The following C10orf143 variants were observed in gnomAD, a reference collection of about 807,000 sequenced individuals.
C10orf143 encodes the protein uncharacterized protein C10orf143.
chr10:130,053,250 G>A (rs971903957), intron 3 of C10orf143, among the ~76,000 whole-genome samples: 38 of 152,084 alleles, frequency 2.5e-4, no homozygotes, highest in African/African-American at 7.7e-4. Context: ...TAGTAGAAAC[G>A]GGGTTTCACT....
At chr10:130,109,974 A>T (rs1420236816) in intron 1 of C10orf143, among the ~76,000 whole-genome samples, 1 of 152,204 alleles carries the variant, frequency 6.6e-6, no homozygotes, top group Non-Finnish European at 1.5e-5. Flanking sequence ...GATAAAATAC[A>T]GGAATGCCAA....
intron 1 of C10orf143, among the ~76,000 whole-genome samples, chr10:130,087,614 T>A (rs1040714904): frequency 6.6e-6 from 1 of 152,184 alleles, no homozygotes; most frequent in South Asian, 2.1e-4. Flanking sequence ...GACTTCTTCC[T>A]TTTCCGGAGG....
chr10:130,058,693 A>G (rs1448130350), intron 3 of C10orf143, among the ~76,000 whole-genome samples: 1 of 152,084 alleles, frequency 6.6e-6, no homozygotes, highest in Non-Finnish European at 1.5e-5. Context: ...ATACTAACGA[A>G]ACAGGAAAGT....
rs1281127241 is a variant in C10orf143 at position 130,075,851 on chromosome 10, G to T, written c.297+3715C>A. On this transcript the variant is annotated intron_variant, in intron 3 of 3. Transcript: ENST00000637128. ...TTCCCCTTCACCTTCCACCAGGATT[G>T]TAAGTTTCCTGAGGCCTCCCAGCCA... Among the ~76,000 whole-genome samples, 4 of 152,120 alleles carry T rather than the reference G, an allele frequency of 2.6e-5. No homozygotes were observed. The East Asian group carries it at 7.7e-4, about 29-fold the overall frequency.
intron 3 of C10orf143, among the ~76,000 whole-genome samples, chr10:130,045,280 G>A (rs964464129): frequency 2.0e-5 from 3 of 152,374 alleles, no homozygotes; most frequent in Non-Finnish European, 4.4e-5. Flanking sequence ...TCTGCCTGCA[G>A]GTCGGCGGGG....
chr10:130,054,335 G>C (rs1860772703), intron 3 of C10orf143, among the ~76,000 whole-genome samples: 1 of 152,140 alleles, frequency 6.6e-6, no homozygotes, highest in Non-Finnish European at 1.5e-5. Context: ...TGTCCATGTT[G>C]TCACATAGGA....
intron 1 of C10orf143, among the ~76,000 whole-genome samples, chr10:130,098,120 C>T (rs1356086553): frequency 2.0e-5 from 3 of 151,868 alleles, no homozygotes; most frequent in Non-Finnish European, 4.4e-5. Flanking sequence ...GCCAGGAGTT[C>T]GAGACAAGCC....
At chr10:130,106,480 T>C (rs1318183538) in intron 1 of C10orf143, 3 of 1,602,314 alleles carry the variant, frequency 1.9e-6, no homozygotes, top group Non-Finnish European at 2.6e-6. Context: ...AGCATGAAAT[T>C]CTCTGTCTAG....
At chr10:130,100,956 A>G (rs1372106044) in intron 1 of C10orf143, 1 of 152,150 alleles carries the variant, frequency 6.6e-6, no homozygotes, top group Non-Finnish European at 1.5e-5. Flanking sequence ...GGTGGCTTAC[A>G]TCTATAATCC....
intron 1 of C10orf143, among the ~76,000 whole-genome samples, chr10:130,081,253 C>A (rs1224443053): frequency 6.6e-6 from 1 of 151,678 alleles, no homozygotes; most frequent in African/African-American, 2.4e-5. Context: ...ATGCTAAAAG[C>A]CACAGTTCAC....
At chr10:130,079,267 G>A (rs1369642764) in intron 3 of C10orf143, among the ~76,000 whole-genome samples, 1 of 152,142 alleles carries the variant, frequency 6.6e-6, no homozygotes, top group East Asian at 1.9e-4. Context: ...TCTCCAAGAT[G>A]TCCTTAAATG....
intron 3 of C10orf143, among the ~76,000 whole-genome samples, chr10:130,058,576 CA>C (rs1427073313): frequency 9.6e-6 from 1 of 103,824 alleles, no homozygotes; most frequent in East Asian, 2.8e-4. Context: ...AGGTTTTAAA[CA>C]GCATTTTTTT....
At chr10:130,049,529 G>A (rs981708418) in intron 3 of C10orf143, among the ~76,000 whole-genome samples, 3 of 152,212 alleles carry the variant, frequency 2.0e-5, no homozygotes. Context: ...CCAGCCCCGG[G>A]AAGATGCTTG....
At chr10:130,107,573 T>A in intron 1 of C10orf143, 1 of 1,346,636 alleles carries the variant, frequency 7.4e-7, no homozygotes, top group South Asian at 1.2e-5. Context: ...AAATACAGCA[T>A]TTGGCAGAGA....
rs1390150657 is a variant in C10orf143 at position 130,056,509 on chromosome 10, A to T, written c.298-20539T>A. Among the ~76,000 whole-genome samples the T allele has an allele frequency of 6.6e-6, 1 of 152,092 alleles. No homozygotes were observed. The highest frequency in any genetic ancestry group is 2.4e-5 in the African/African-American group (1 of 41,394). On this transcript the variant is annotated intron_variant and NMD_transcript_variant, in intron 3 of 5. Transcript: ENST00000643056. This position sits in a 1 kb window ranked among gnomAD's most constrained non-coding sequence, Gnocchi z 4.6. ...CAGTGAGAAATGAGGAAAAGAAACAATGTCATTTTACAGAGAAAGGGAAGG... is the reference window on the plus strand; with the variant it reads ...CAGTGAGAAATGAGGAAAAGAAACATTGTCATTTTACAGAGAAAGGGAAGG...
In C10orf143 at chr10:130,106,734, A is replaced by G. The variant is rs762330432; in HGVS notation, c.69+3970T>C. 6.4e-6 allele frequency: 8 copies of G among 1,257,586 alleles called. No individual in the cohort carries two copies. The Admixed American group carries it at 1.4e-4, about 21-fold the overall frequency. 77.9% of individuals were successfully genotyped at this position (1,257,586 alleles called of 1,614,324 possible). On this transcript the variant is annotated intron_variant, in intron 1 of 3. Transcript: ENST00000637128. ...CAGAAACAGCTTTTGCAAGAAGCTG[A>G]AGTATGGAACGAACAAGTGAATGAA...
chr10:130,087,972 C>G (rs1047709344), intron 1 of C10orf143, among the ~76,000 whole-genome samples: 3 of 152,142 alleles, frequency 2.0e-5, no homozygotes, highest in African/African-American at 7.2e-5. Flanking sequence ...CTTCAGTCAG[C>G]AAAGCAAGAA....
At chr10:130,085,251 G>A (rs1002669239) in intron 1 of C10orf143, among the ~76,000 whole-genome samples, 6 of 152,150 alleles carry the variant, frequency 3.9e-5, no homozygotes, top group Admixed American at 2.0e-4. Flanking sequence ...CCCAAGATTC[G>A]TATTAATTGT....
intron 3 of C10orf143, among the ~76,000 whole-genome samples, chr10:130,053,015 G>A (rs1860753687): frequency 6.6e-6 from 1 of 152,132 alleles, no homozygotes; most frequent in Admixed American, 6.5e-5. Flanking sequence ...GGCAGGCAGT[G>A]GCAAAATGTT....
Sources: allele counts gnomAD v4.1 joint callset (sites outside exome capture counted in the v4.1 genomes callset), GRCh38; gene constraint gnomAD v4.1.1; non-coding constraint Gnocchi (gnomAD v3.1); transcripts MANE v1.5; gene names NCBI Gene and HGNC (gene_info 2026-07-23, HGNC 2026-07-21).